The following AFDN variants were observed in gnomAD, a reference collection of about 807,000 sequenced individuals.
The protein encoded by AFDN is afadin, adherens junction formation factor.
A neutral mutation model predicts 216.6 loss-of-function variants in AFDN; 68 were observed. The observed-to-expected ratio is 0.31, with a 90% CI of 0.26 to 0.38. The LOEUF is 0.38. Ranked by LOEUF, AFDN falls within the 10% of genes least tolerant of loss-of-function variation. The pLI, the probability that AFDN is intolerant of heterozygous loss-of-function variation, is 1.00. For synonymous variants in AFDN, 868 were observed against 853.7 expected, an observed-to-expected ratio of 1.02 and a Z score of -0.29; for missense variants, 2,136 against 2,342.0, an observed-to-expected ratio of 0.91 and a Z score of 1.82.
intron 1 of AFDN, among the ~76,000 whole-genome samples, chr6:167,843,021 G>A (rs1781245467): frequency 6.6e-6 from 1 of 152,184 alleles, no homozygotes; most frequent in South Asian, 2.1e-4. Context: ...TAGTTAATGA[G>A]TAGTGGCATA....
At chr6:167,861,690 C>T (rs1783590786) in intron 1 of AFDN, among the ~76,000 whole-genome samples, 1 of 152,112 alleles carries the variant, frequency 6.6e-6, no homozygotes, top group Non-Finnish European at 1.5e-5. Flanking sequence ...CTTTGTGTTG[C>T]TGATGTTAAT....
intron 29 of AFDN, among the ~76,000 whole-genome samples, chr6:167,948,771 A>C (rs550327479): frequency 6.6e-5 from 10 of 152,366 alleles, no homozygotes; most frequent in African/African-American, 2.4e-4. Context: ...CAAGTGGTGT[A>C]TTTTGCACTG....
intron 6 of AFDN, among the ~76,000 whole-genome samples, chr6:167,881,665 C>A (rs1786126873): frequency 6.6e-6 from 1 of 152,144 alleles, no homozygotes; most frequent in Non-Finnish European, 1.5e-5. Flanking sequence ...CACTTCCCTA[C>A]CCTAACTGCT....
intron 20 of AFDN, among the ~76,000 whole-genome samples, chr6:167,917,876 G>A (rs73032792): frequency 0.02 from 3,002 of 152,264 alleles, 55 homozygotes; most frequent in Non-Finnish European, 0.033. Flanking sequence ...AAATATGTGA[G>A]AAAGAATGAA....
chr6:167,962,294 A>AT lies in AFDN; in HGVS notation c.4834-135dup. On this transcript the variant is annotated intron_variant, in intron 30 of 33. Transcript: ENST00000683244. This position sits in a 1 kb window ranked among gnomAD's most constrained non-coding sequence, Gnocchi z 5.2. ...TAAAAAGTTTTATTTTCCAACAGTGATTTTAACCTGGTATTTTATATTTAA... is the reference window on the plus strand; with the variant it reads ...TAAAAAGTTTTATTTTCCAACAGTGATTTTTAACCTGGTATTTTATATTTAA... 1 of 1,246,876 alleles carries AT rather than the reference A, an allele frequency of 8.0e-7. No individual in the cohort carries two copies. Among genetic ancestry groups the AT allele is most frequent in the Non-Finnish European group, 1.1e-6 (1 of 940,156 alleles). The allele number at this position is 1,246,876 out of a possible 1,614,324, so 77.2% of individuals were successfully genotyped here.
rs1356002774 is a variant in AFDN, at chr6:167,971,025, ATTAG to A, written c.*1094_*1097del. ...TTATTTAATTTTAATTTGTTGAATT[ATTAG>A]TTACCACTGTCATTTCTTCAGCTAT... On this transcript the variant is annotated 3_prime_UTR_variant, in exon 34 of 34. Transcript: ENST00000683244. 9 of 217,284 alleles carry A rather than the reference ATTAG, an allele frequency of 4.1e-5. No individual in the cohort carries two copies. The highest frequency in any genetic ancestry group is 7.4e-5 in the Non-Finnish European group (8 of 108,104). 13.5% of individuals were successfully genotyped at this position (217,284 alleles called of 1,614,324 possible).
intron 4 of AFDN, among the ~76,000 whole-genome samples, chr6:167,873,393 C>T (rs948197081): frequency 6.6e-6 from 1 of 152,114 alleles, no homozygotes; most frequent in African/African-American, 2.4e-5. Flanking sequence ...CATTTTTAAA[C>T]GATTATACAG....
intron 15 of AFDN, among the ~76,000 whole-genome samples, chr6:167,912,367 A>G (rs1790507551): frequency 6.6e-6 from 1 of 152,228 alleles, no homozygotes; most frequent in South Asian, 2.1e-4. Flanking sequence ...TTAATAACAT[A>G]GATAGATTGG....
chr6:167,904,332 C>T (rs1789374538), intron 12 of AFDN, among the ~76,000 whole-genome samples: 1 of 152,054 alleles, frequency 6.6e-6, no homozygotes, highest in Admixed American at 6.5e-5. Flanking sequence ...CCTCTGCCTC[C>T]TGCGTAGCGG....
intron 1 of AFDN, among the ~76,000 whole-genome samples, chr6:167,860,159 CTTTT>C (rs370176215): frequency 0.2 from 15,934 of 78,282 alleles, 851 homozygotes; most frequent in Middle Eastern, 0.29. Context: ...TACAGCAATG[CTTTT>C]TTTTTTTTTT....
chr6:167,891,404 GGTGGGTGTGTGTGTGT>G (rs1175332127), intron 8 of AFDN, among the ~76,000 whole-genome samples: 78 of 138,152 alleles, frequency 5.6e-4, no homozygotes, highest in East Asian at 1.9e-3. Context: ...TTCATAAAGG[GGTGGGTGTGTGTGTGT>G]GTGTGTGTGT....
chr6:167,879,015 G>A (rs1785780909), intron 5 of AFDN, among the ~76,000 whole-genome samples: 1 of 152,162 alleles, frequency 6.6e-6, no homozygotes, highest in African/African-American at 2.4e-5. Context: ...TATTTTAAAG[G>A]TATTTATTTG....
At chr6:167,904,954 G>C (rs187481766) in intron 12 of AFDN, among the ~76,000 whole-genome samples, 362 of 152,282 alleles carry the variant, frequency 2.4e-3, no homozygotes, top group African/African-American at 8.4e-3. Context: ...CCTATGCCCT[G>C]AGCCTGCTTC....
At chr6:167,835,598 C>G (rs1014952831) in intron 1 of AFDN, among the ~76,000 whole-genome samples, 4 of 152,132 alleles carry the variant, frequency 2.6e-5, no homozygotes, top group African/African-American at 4.8e-5. Flanking sequence ...GTGAAACTGG[C>G]TTTTTAAAAA....
intron 32 of AFDN, among the ~76,000 whole-genome samples, chr6:167,967,977 A>C (rs1428177876): frequency 6.6e-6 from 1 of 152,162 alleles, no homozygotes; most frequent in African/African-American, 2.4e-5. Flanking sequence ...ACTGTATGAA[A>C]GATTCATTAC....
chr6:167,833,369 C>T (rs1380243926), intron 1 of AFDN, among the ~76,000 whole-genome samples: 1 of 152,100 alleles, frequency 6.6e-6, no homozygotes, highest in Non-Finnish European at 1.5e-5. Context: ...CATTATGATC[C>T]GTGAAAAAAA....
In AFDN at chr6:167,965,921, T is replaced by A. The variant is rs1172002302; in HGVS notation, c.5133T>A (p.Pro1711=). 5 of 1,076,914 alleles carry A rather than the reference T, an allele frequency of 4.6e-6. No individual in the cohort carries two copies. Among genetic ancestry groups the A allele is most frequent in the Non-Finnish European group, 5.9e-6 (5 of 847,490 alleles). 66.7% of individuals were successfully genotyped at this position (1,076,914 alleles called of 1,614,324 possible). A position where few individuals can be genotyped will look rare whatever the true frequency, so the allele number is the denominator to read the frequency against. ...PPSPSPAPGA[P]PPPPQRNASY... is the part of the protein sequence containing the mutation. ...CCCCGTCCCCCGCGCCCGGCGCCCC[T>A]CCTCCCCCGCCTCAGCGAAACGCCT... Residue 1711 remains proline (P), a synonymous_variant, in exon 32 of 34, where the codon CCT becomes CCA. Coordinates refer to ENST00000683244, the MANE Select transcript of AFDN (RefSeq NM_001386888.1).
intron 5 of AFDN, among the ~76,000 whole-genome samples, chr6:167,879,797 C>T (rs546335332): frequency 6.6e-6 from 1 of 152,318 alleles, no homozygotes; most frequent in African/African-American, 2.4e-5. Flanking sequence ...GAACTCTGCT[C>T]TGTTGGCAAA....
intron 11 of AFDN, among the ~76,000 whole-genome samples, chr6:167,900,462 G>A (rs944870700): frequency 3.3e-5 from 5 of 152,184 alleles, no homozygotes; most frequent in Non-Finnish European, 7.4e-5. Flanking sequence ...GCTGGGAGGA[G>A]CGACCCATGA....
Sources: allele counts gnomAD v4.1 joint callset (sites outside exome capture counted in the v4.1 genomes callset), GRCh38; gene constraint gnomAD v4.1.1; non-coding constraint Gnocchi (gnomAD v3.1); transcripts MANE v1.5; gene names NCBI Gene and HGNC (gene_info 2026-07-23, HGNC 2026-07-21).